The following DYNC1I2 variants were observed in gnomAD, a reference collection of about 807,000 sequenced individuals.
DYNC1I2 encodes cytoplasmic dynein 1 intermediate chain 2.
DYNC1I2 carries 53 observed loss-of-function variants against 88.6 expected under a neutral mutation model. The ratio of observed to expected loss-of-function variants is 0.60; its 90% CI spans 0.48 to 0.75. DYNC1I2 has a LOEUF of 0.75. DYNC1I2 is among the 30% of genes least tolerant of loss of function. The probability of loss-of-function intolerance (pLI) is 0.00; values close to 1 mark genes in which losing one functional copy is unlikely to be tolerated. For missense variants in DYNC1I2, 458 were observed against 766.6 expected, an observed-to-expected ratio of 0.60 and a Z score of 4.75; for synonymous variants, 198 against 254.6, an observed-to-expected ratio of 0.78 and a Z score of 2.12.
chr2:171,715,421 A>G lies in DYNC1I2; in HGVS notation c.489A>G (p.Pro163=), dbSNP rs1466665198. Residue 163 remains proline, a synonymous_variant, in exon 7 of 18, where the codon CCA becomes CCG. Transcript: ENST00000397119. ...IVTYTKETQT[P]VMAQPKEDEE... is the part of the protein sequence containing the mutation. ...CGTATACAAAGGAAACTCAGACTCC[A>G]GTTATGGCTCAACCCAAAGAAGGTG... The G allele has an allele frequency of 1.3e-6, 2 of 1,566,614 alleles. 1 individual carries two copies. The highest frequency in any genetic ancestry group is 1.7e-6 in the Non-Finnish European group (2 of 1,153,834).
At chr2:171,700,065 T>C (rs979154541) in intron 3 of DYNC1I2, among the ~76,000 whole-genome samples, 22 of 152,202 alleles carry the variant, frequency 1.4e-4, no homozygotes, top group African/African-American at 5.1e-4. Context: ...TCAACTTCTC[T>C]CATTGGGTCA....
At chr2:171,729,149 C>T (rs758230966) in intron 14 of DYNC1I2, among the ~76,000 whole-genome samples, 5 of 152,094 alleles carry the variant, frequency 3.3e-5, no homozygotes, top group Non-Finnish European at 7.4e-5. Context: ...CCAATATTGA[C>T]CTATAGACTT....
At chr2:171,721,139 A>G (rs937776800) in intron 7 of DYNC1I2, among the ~76,000 whole-genome samples, 2 of 150,856 alleles carry the variant, frequency 1.3e-5, no homozygotes, top group Non-Finnish European at 3.0e-5. Flanking sequence ...AAAAAAAAAA[A>G]AAAAAAAAGA....
At chr2:171,696,255 A>T (rs13429113) in intron 3 of DYNC1I2, among the ~76,000 whole-genome samples, 40,783 of 152,070 alleles carry the variant, frequency 0.27, 5,593 homozygotes, top group African/African-American at 0.3. Context: ...AAGTATTCCT[A>T]ATCCAAAAAT....
rs1688415355 is a variant in DYNC1I2, at chr2:171,728,807, G to A, written c.1348G>A (p.Gly450Arg). 1 of 1,611,118 alleles carries A rather than the reference G, an allele frequency of 6.2e-7. No individual in the cohort carries two copies. The highest frequency in any genetic ancestry group is 1.1e-5 in the South Asian group (1 of 90,450). Residue 450 changes from glycine (G) to arginine (R), a missense_variant, in exon 14 of 18, where the codon GGG becomes AGG. Physicochemically the swap from Gly to Arg is moderately radical, Grantham distance 125. Transcript: ENST00000397119. Reference protein sequence around the residue: ...PVGDVNNFVVGSEEGSVYTAC... With the variant: ...PVGDVNNFVVRSEEGSVYTAC... ...TGGAGATGTCAACAACTTTGTTGTT[G>A]GGAGTGAAGAAGGTTCTGTGTACAC...
intron 3 of DYNC1I2, chr2:171,693,210 T>C: frequency 3.4e-6 from 1 of 296,544 alleles, no homozygotes; most frequent in East Asian, 8.9e-5. Flanking sequence ...CAAAGATAAC[T>C]AGGATTCCTG....
At chr2:171,691,440 A>C (rs548147586) in intron 2 of DYNC1I2, among the ~76,000 whole-genome samples, 1 of 152,336 alleles carries the variant, frequency 6.6e-6, no homozygotes, top group Non-Finnish European at 1.5e-5. Flanking sequence ...GTGGTAGCCT[A>C]AATAATGGCC....
Position 171,748,889 on chromosome 2 carries a change from G to A in DYNC1I2, c.*1000G>A, listed in dbSNP as rs4667694. Among the ~76,000 whole-genome samples the A allele has an allele frequency of 0.27, 40,424 of 152,030 alleles. 5,500 individuals carry two copies. Among genetic ancestry groups the A allele is most frequent in the African/African-American group, 0.3 (12,287 of 41,482 alleles). On this transcript the variant is annotated 3_prime_UTR_variant, in exon 18 of 18. Transcript: ENST00000397119. ...GCATTGTCTACAAGTCCGAAAGGTA[G>A]GTGACAAATATCTAAGAATCAGTAT... is the stretch of plus-strand genomic sequence containing the variant.
chr2:171,701,220 C>G (rs1191774005), intron 3 of DYNC1I2, among the ~76,000 whole-genome samples: 4 of 152,146 alleles, frequency 2.6e-5, no homozygotes, highest in Non-Finnish European at 4.4e-5. Flanking sequence ...GAGTCTTGCT[C>G]TCTCTCCCGG....
At chr2:171,706,212 G>A (rs911055758) in intron 3 of DYNC1I2, among the ~76,000 whole-genome samples, 3 of 152,024 alleles carry the variant, frequency 2.0e-5, no homozygotes, top group African/African-American at 7.2e-5. Context: ...TAAAAGAAGG[G>A]CTTTCAGCTC....
chr2:171,729,520 T>C (rs1039206401), intron 14 of DYNC1I2, among the ~76,000 whole-genome samples, 189 bp from the exon 15 acceptor site: 6 of 152,342 alleles, frequency 3.9e-5, no homozygotes, highest in East Asian at 1.9e-4. Flanking sequence ...AAGGTACTTA[T>C]TGCTTTAGTA....
intron 7 of DYNC1I2, among the ~76,000 whole-genome samples, chr2:171,718,708 C>T (rs1241667525): frequency 6.6e-6 from 1 of 152,128 alleles, no homozygotes; most frequent in African/African-American, 2.4e-5. Flanking sequence ...GCTGGGATTA[C>T]AGGTGTGAGC....
rs933510967 is a variant in DYNC1I2, at chr2:171,726,073, CAAAG to C, written c.765_768del (p.Gly257ArgfsTer10). On this transcript the variant is annotated frameshift_variant, in exon 9 of 18. Coordinates refer to ENST00000397119, the MANE Select transcript of DYNC1I2 (RefSeq NM_001378.3). LOFTEE classifies it high-confidence loss of function. ...ACTATAGTGGGAGAGATTTGGAAGACAAAGAAGGGTAATGTTTAGTTGCTAAGAT... is the reference window on the plus strand; with the variant it reads ...ACTATAGTGGGAGAGATTTGGAAGACAAGGGTAATGTTTAGTTGCTAAGAT... 6.3e-7 allele frequency: 1 copy of C among 1,575,004 alleles called. No homozygotes were observed. Among genetic ancestry groups the C allele is most frequent in the Non-Finnish European group, 8.6e-7 (1 of 1,165,416 alleles).
chr2:171,738,644 C>T (rs1454357430), intron 15 of DYNC1I2, among the ~76,000 whole-genome samples: 1 of 152,162 alleles, frequency 6.6e-6, no homozygotes, highest in Non-Finnish European at 1.5e-5. Context: ...TGATGGAAGA[C>T]ATAACATTGC....
At chr2:171,696,542 C>T (rs1178727125) in intron 3 of DYNC1I2, among the ~76,000 whole-genome samples, 1 of 151,978 alleles carries the variant, frequency 6.6e-6, no homozygotes, top group Non-Finnish European at 1.5e-5. Flanking sequence ...ATATATTCTT[C>T]TATGTTTTTC....
intron 3 of DYNC1I2, among the ~76,000 whole-genome samples, chr2:171,695,835 A>T (rs945136605): frequency 6.7e-6 from 1 of 150,270 alleles, no homozygotes; most frequent in Non-Finnish European, 1.5e-5. Context: ...ATGAAAAAGT[A>T]ACTGCTTTAC....
intron 7 of DYNC1I2, 55 bp downstream of exon 7, chr2:171,715,498 A>AT: frequency 9.0e-7 from 1 of 1,107,442 alleles, no homozygotes; most frequent in South Asian, 1.8e-5. Flanking sequence ...AAATACATAG[A>AT]TTCTTTTTTT....
At chr2:171,703,221 AC>A (rs1161488185) in intron 3 of DYNC1I2, among the ~76,000 whole-genome samples, 1 of 152,158 alleles carries the variant, frequency 6.6e-6, no homozygotes, top group Non-Finnish European at 1.5e-5. Context: ...TAGGACAACA[AC>A]TAAATCGTAT....
intron 7 of DYNC1I2, among the ~76,000 whole-genome samples, chr2:171,717,084 T>C (rs1384732952): frequency 6.6e-6 from 1 of 151,930 alleles, no homozygotes; most frequent in Admixed American, 6.6e-5. Context: ...GATACACATA[T>C]AATTACACTT....
Sources: allele counts gnomAD v4.1 joint callset (sites outside exome capture counted in the v4.1 genomes callset), GRCh38; gene constraint gnomAD v4.1.1; transcripts MANE v1.5; gene names NCBI Gene and HGNC (gene_info 2026-07-23, HGNC 2026-07-21).